Variants in MMP17 observed in about 807,000 individuals in gnomAD.
MMP17 encodes matrix metalloproteinase-17.
In MMP17, 54 loss-of-function variants were observed where a neutral mutation model predicts 49.1. The ratio of observed to expected loss-of-function variants is 1.10; its 90% CI spans 0.88 to 1.38. MMP17 has a LOEUF of 1.38. MMP17 is among the 40% of genes most tolerant of loss of function. The pLI, the probability that MMP17 is intolerant of heterozygous loss-of-function variation, is 0.00. For missense variants in MMP17, 837 were observed against 853.7 expected, an observed-to-expected ratio of 0.98 and a Z score of 0.24; for synonymous variants, 397 against 383.1, an observed-to-expected ratio of 1.04 and a Z score of -0.42.
At chr12:131,850,611 C>A (rs1246662344) in intron 9 of MMP17, among the ~76,000 whole-genome samples, 1 of 152,182 alleles carries the variant, frequency 6.6e-6, no homozygotes, top group East Asian at 1.9e-4. Flanking sequence ...CCTGGTCCAT[C>A]CCCTGCCCCA....
At chr12:131,845,545 T>A in intron 8 of MMP17, 96 bp downstream of exon 8, 1 of 1,426,512 alleles carries the variant, frequency 7.0e-7, no homozygotes, top group Non-Finnish European at 9.2e-7. Context: ...AAGCCCTACG[T>A]CTGCCCAGAG....
rs1408011133 is a variant in MMP17 at position 131,846,829 on chromosome 12, G to A, written c.1204+1380G>A. 2.0e-5 allele frequency among the ~76,000 whole-genome samples: 3 copies of A among 152,172 alleles called. No individual in the cohort carries two copies. Among genetic ancestry groups the A allele is most frequent in the African/African-American group, 7.2e-5 (3 of 41,432 alleles). On this transcript the variant is annotated intron_variant, in intron 8 of 9. Transcript: ENST00000360564. The surrounding 1 kb of genome is among the most constrained non-coding windows in gnomAD (Gnocchi z 4.6). Reference sequence around the variant, plus strand: ...CTCCCACAGTCACGGGCGGGACCCCGTTTCCTTGCCGAGGTAAAGGGTGTT... The same window carrying A: ...CTCCCACAGTCACGGGCGGGACCCCATTTCCTTGCCGAGGTAAAGGGTGTT...
chr12:131,850,092 C>T, intron 9 of MMP17, 33 bp downstream of exon 9: 1 of 1,568,010 alleles, frequency 6.4e-7, no homozygotes, highest in Non-Finnish European at 8.6e-7. Flanking sequence ...GGCCATGCGG[C>T]CTTGGTTTCC....
At chr12:131,848,809 G>A (rs1319103015) in intron 8 of MMP17, among the ~76,000 whole-genome samples, 4 of 152,220 alleles carry the variant, frequency 2.6e-5, no homozygotes, top group African/African-American at 4.8e-5. Context: ...ACTGCACCTC[G>A]TTCGCCTGCT....
rs779836432 is a variant in MMP17, at chr12:131,845,146, A to G, written c.997A>G (p.Ser333Gly). Reference sequence around the variant, plus strand: ...CAGGAAGGACGTGCCCCACAGATGCAGCACTCACTTTGACGCGGTGGCCCA... The same window carrying G: ...CAGGAAGGACGTGCCCCACAGATGCGGCACTCACTTTGACGCGGTGGCCCA... ...PPRKDVPHRC[S>G]THFDAVAQIR... Residue 333 changes from serine to glycine, a missense_variant, in exon 7 of 10, where the codon AGC (serine) becomes GGC (glycine). Physicochemically the swap from Ser to Gly is moderately conservative, Grantham distance 56. Transcript: ENST00000360564. 2.2e-5 allele frequency: 35 copies of G among 1,612,338 alleles called. No individual in the cohort carries two copies. Among genetic ancestry groups the G allele is most frequent in the Non-Finnish European group, 3.4e-6 (4 of 1,179,716 alleles).
chr12:131,830,986 C>T (rs1886764643), intron 1 of MMP17, among the ~76,000 whole-genome samples: 1 of 152,230 alleles, frequency 6.6e-6, no homozygotes, highest in African/African-American at 2.4e-5. Context: ...GTCCGCCTCC[C>T]TCCCGCCCCT....
At chr12:131,850,495 C>T (rs1418220801) in intron 9 of MMP17, among the ~76,000 whole-genome samples, 1 of 152,228 alleles carries the variant, frequency 6.6e-6, no homozygotes, top group African/African-American at 2.4e-5. Flanking sequence ...GGGACGGCAG[C>T]ATCCTCTGTT....
At position 131,850,005 on chromosome 12, in the gene MMP17, C is replaced by A. The variant is rs1168725882; in HGVS notation, c.1408C>A (p.Pro470Thr). ...GGACCCCGGCTACCCCGCCCAGAGCCCCCTGTGGAGGGGTGTCCCCAGCAC... is the reference window on the plus strand; with the variant it reads ...GGACCCCGGCTACCCCGCCCAGAGCACCCTGTGGAGGGGTGTCCCCAGCAC... ...HMDPGYPAQSPLWRGVPSTLD... is the reference protein window; with the variant it reads ...HMDPGYPAQSTLWRGVPSTLD... Residue 470 changes from proline (P) to threonine (T), a missense_variant, in exon 9 of 10, where the codon CCC becomes ACC. Coordinates refer to ENST00000360564, the MANE Select transcript of MMP17 (RefSeq NM_016155.7). 8 of 1,613,430 alleles carry A rather than the reference C, an allele frequency of 5.0e-6. No individual in the cohort carries two copies. Among genetic ancestry groups the A allele is most frequent in the Non-Finnish European group, 6.8e-6 (8 of 1,179,900 alleles).
chr12:131,851,229 G>A lies in MMP17; in HGVS notation c.1767G>A (p.Leu589=). The change falls in exon 10 of 10, where the codon CTG becomes CTA. Residue 589 remains leucine (L), a synonymous_variant. Coordinates refer to ENST00000360564, the MANE Select transcript of MMP17 (RefSeq NM_016155.7). ...AATMLLLLPP[L]SPGALWTAAQ... The stretch of plus-strand genomic sequence containing the variant: ...CCATGCTGCTGCTGCTGCCGCCACT[G>A]TCACCAGGCGCCCTGTGGACAGCGG... 1 of 1,451,700 alleles carries A rather than the reference G, an allele frequency of 6.9e-7. No homozygotes were observed. 89.9% of individuals were successfully genotyped at this position (1,451,700 alleles called of 1,614,324 possible).
Position 131,846,433 on chromosome 12 carries a change from A to G in MMP17, c.1204+984A>G, listed in dbSNP as rs1887706068. Among the ~76,000 whole-genome samples the G allele has an allele frequency of 6.6e-6, 1 of 152,016 alleles. No homozygotes were observed. The highest frequency in any genetic ancestry group is 6.6e-5 in the Admixed American group (1 of 15,248). On this transcript the variant is annotated intron_variant, in intron 8 of 9. Transcript: ENST00000360564. The surrounding 1 kb of genome is among the most constrained non-coding windows in gnomAD (Gnocchi z 4.6). The stretch of plus-strand genomic sequence containing the variant: ...ACTCTGTTGCCCAGGCTGGAATGCA[A>G]TGGTGTGATCTCAGCTCACTGCAAC...
At chr12:131,844,996 G>T in intron 6 of MMP17, 122 bp from the exon 7 acceptor site, 1 of 993,346 alleles carries the variant, frequency 1.0e-6, no homozygotes. Flanking sequence ...TCTAGGCAAG[G>T]ATAGGGGCTC....
intron 1 of MMP17, among the ~76,000 whole-genome samples, chr12:131,828,974 C>G (rs979377029): frequency 6.6e-6 from 1 of 152,094 alleles, no homozygotes; most frequent in African/African-American, 2.4e-5. Context: ...GCAGCAGCCC[C>G]GGAGCAGCCG....
rs1194358056 is a variant in MMP17 at position 131,846,495 on chromosome 12, T to A, written c.1204+1046T>A. On this transcript the variant is annotated intron_variant, in intron 8 of 9. Transcript: ENST00000360564. The surrounding 1 kb of genome is among the most constrained non-coding windows in gnomAD (Gnocchi z 4.6). Reference sequence around the variant, plus strand: ...AGGTTGCAATTCTCCTGCCTCAGCCTCCCTAGTAGCTGGGATTACAAGGTG... The same window carrying A: ...AGGTTGCAATTCTCCTGCCTCAGCCACCCTAGTAGCTGGGATTACAAGGTG... Among the ~76,000 whole-genome samples, 2 of 152,174 alleles carry A rather than the reference T, an allele frequency of 1.3e-5. No individual in the cohort carries two copies. The highest frequency in any genetic ancestry group is 2.9e-5 in the Non-Finnish European group (2 of 68,034).
intron 1 of MMP17, among the ~76,000 whole-genome samples, chr12:131,834,832 C>T (rs1886998055): frequency 6.6e-6 from 1 of 152,200 alleles, no homozygotes. Flanking sequence ...TCAGCCGCCC[C>T]CTCCCAGATG....
intron 8 of MMP17, among the ~76,000 whole-genome samples, chr12:131,845,911 C>A (rs1887681177): frequency 6.6e-6 from 1 of 152,164 alleles, no homozygotes; most frequent in South Asian, 2.1e-4. Flanking sequence ...GTACCAGGGG[C>A]CTGGAGGAGG....
intron 8 of MMP17, among the ~76,000 whole-genome samples, chr12:131,847,368 A>G (rs147538394): frequency 0.017 from 2,510 of 150,060 alleles, 24 homozygotes; most frequent in Non-Finnish European, 0.024. Context: ...AGGTGAGATC[A>G]CACCACTGGA....
chr12:131,836,837 G>C (rs967100043), intron 1 of MMP17, among the ~76,000 whole-genome samples: 4 of 152,190 alleles, frequency 2.6e-5, no homozygotes, highest in South Asian at 2.1e-4. Context: ...AGTGGGCACA[G>C]GCGCCATTTG....
intron 6 of MMP17, 168 bp from the exon 7 acceptor site, chr12:131,844,943 GCGGTGGA>G: frequency 2.5e-6 from 1 of 405,534 alleles, no homozygotes; most frequent in Non-Finnish European, 4.2e-6. Flanking sequence ...GCCCGCTGAA[GCGGTGGA>G]CAGGCACCCC....
chr12:131,842,930 C>A (rs1221614821), intron 5 of MMP17, among the ~76,000 whole-genome samples: 1 of 152,190 alleles, frequency 6.6e-6, no homozygotes, highest in Non-Finnish European at 1.5e-5. Flanking sequence ...ATCCCCCCAG[C>A]CCCTGGCAAC....
Sources: allele counts gnomAD v4.1 joint callset (sites outside exome capture counted in the v4.1 genomes callset), GRCh38; gene constraint gnomAD v4.1.1; non-coding constraint Gnocchi (gnomAD v3.1); transcripts MANE v1.5; gene names NCBI Gene and HGNC (gene_info 2026-07-23, HGNC 2026-07-21).